ZNF532: variants seen among roughly 807,000 people sequenced by gnomAD.
ZNF532 encodes the protein zinc finger protein 532.
A neutral mutation model predicts 89.3 loss-of-function variants in ZNF532; 22 were observed. The observed-to-expected ratio is 0.25, with a 90% CI of 0.18 to 0.35. ZNF532 has a LOEUF of 0.35. ZNF532 is among the 10% of genes least tolerant of loss of function. The pLI is 1.00. For synonymous variants in ZNF532, 606 were observed against 649.6 expected (o/e 0.93, Z 1.02); for missense variants, 1,132 against 1,643.4 (o/e 0.69, Z 5.38).
At chr18:58,971,489 CA>C (rs1194213215) in intron 7 of ZNF532, among the ~76,000 whole-genome samples, 5 of 152,192 alleles carry the variant, frequency 3.3e-5, no homozygotes, top group Non-Finnish European at 7.3e-5. Context: ...CACGCCCATT[CA>C]TTTAATTATT....
chr18:58,960,085 C>T lies in ZNF532; in HGVS notation c.3150+6286C>T, dbSNP rs1035770138. Among the ~76,000 whole-genome samples the T allele has an allele frequency of 5.3e-5, 8 of 152,146 alleles. No homozygotes were observed. The East Asian group carries it at 5.8e-4, about 11-fold the overall frequency. On this transcript the variant is annotated intron_variant, in intron 7 of 9. Coordinates refer to ENST00000591808, the MANE Select transcript of ZNF532 (RefSeq NM_001375912.1). ...TCCTAAGTAGCTGGGATTACAGGTG[C>T]GTGCCACCACGCCCAGCTAATTTTT... is the stretch of plus-strand genomic sequence containing the variant.
intron 2 of ZNF532, among the ~76,000 whole-genome samples, chr18:58,883,594 G>A (rs530561347): frequency 6.6e-6 from 1 of 152,166 alleles, no homozygotes; most frequent in Non-Finnish European, 1.5e-5. Flanking sequence ...TTAAGTATTG[G>A]TGGGAGGAGG....
intron 2 of ZNF532, among the ~76,000 whole-genome samples, chr18:58,874,672 C>T (rs1027542525): frequency 6.6e-6 from 1 of 152,178 alleles, no homozygotes; most frequent in Non-Finnish European, 1.5e-5. Context: ...AGTACTTGAA[C>T]ATTTTTTTGC....
At chr18:58,891,356 C>T (rs2058889222) in intron 2 of ZNF532, among the ~76,000 whole-genome samples, 1 of 152,136 alleles carries the variant, frequency 6.6e-6, no homozygotes, top group Non-Finnish European at 1.5e-5. Context: ...ATGGCGAAAC[C>T]CTATCTCTAC....
intron 4 of ZNF532, among the ~76,000 whole-genome samples, chr18:58,935,883 A>G (rs1182421990): frequency 6.6e-6 from 1 of 152,188 alleles, no homozygotes; most frequent in Non-Finnish European, 1.5e-5. Flanking sequence ...TTGAATAAAA[A>G]TGAAGTCCAG....
Position 58,978,466 on chromosome 18 carries a change from A to G in ZNF532, c.3151-589A>G, listed in dbSNP as rs73439999. Among the ~76,000 whole-genome samples the G allele has an allele frequency of 5.6e-3, 855 of 152,292 alleles. 6 individuals are homozygous for G. Among genetic ancestry groups the G allele is most frequent in the African/African-American group, 0.02 (830 of 41,582 alleles). ...GTTTCATATATTATCTTTTCAGTAA[A>G]AGATTTATATAATGTTATTTCAAAT... On this transcript the variant is annotated intron_variant, in intron 7 of 9. Transcript: ENST00000591808.
chr18:58,942,361 T>TCCCTCCCTCCCTC (rs1568383594), intron 5 of ZNF532, among the ~76,000 whole-genome samples: 1 of 55,810 alleles, frequency 1.8e-5, no homozygotes, highest in African/African-American at 1.2e-4. Flanking sequence ...CTTCCTTCCT[T>TCCCTCCCTCCCTC]CCTTCCTTCC....
chr18:58,984,912 C>T lies in ZNF532; in HGVS notation c.*446C>T, dbSNP rs1385085043. The T allele has an allele frequency of 6.2e-6, 1 of 161,240 alleles. No individual in the cohort carries two copies. Among genetic ancestry groups the T allele is most frequent in the East Asian group, 1.8e-4 (1 of 5,666 alleles). The allele number at this position is 161,240 out of a possible 1,614,324, so 10.0% of individuals were successfully genotyped here. On this transcript the variant is annotated 3_prime_UTR_variant, in exon 10 of 10. Transcript: ENST00000591808. ...TAGTGTTTTTAATTTTTAGAATTCA[C>T]TACATAAATTGTAAGTAATTGTGGG...
At chr18:58,980,502 G>A (rs1461914184) in intron 8 of ZNF532, 1 of 152,184 alleles carries the variant, frequency 6.6e-6, no homozygotes, top group Non-Finnish European at 1.5e-5. Context: ...GAGGTCATCA[G>A]GGTTTAGGGC....
chr18:58,904,838 C>CTTTT (rs532227361), intron 2 of ZNF532, among the ~76,000 whole-genome samples: 1 of 135,186 alleles, frequency 7.4e-6, no homozygotes, highest in Admixed American at 7.4e-5. Context: ...CTATTTCTTT[C>CTTTT]TTTTTTTTTT....
intron 2 of ZNF532, among the ~76,000 whole-genome samples, chr18:58,872,346 T>C (rs1054630839): frequency 4.6e-5 from 7 of 152,158 alleles, no homozygotes; most frequent in African/African-American, 1.7e-4. Context: ...GCCTTTGCAT[T>C]TTGGGACACA....
intron 5 of ZNF532, among the ~76,000 whole-genome samples, chr18:58,946,984 G>T (rs931367901): frequency 9.2e-5 from 14 of 152,080 alleles, no homozygotes; most frequent in Admixed American, 9.2e-4. Context: ...GAGGCATTCC[G>T]TTCTTCAACT....
At chr18:58,982,431 G>T (rs1201800542) in intron 9 of ZNF532, among the ~76,000 whole-genome samples, 1 of 152,094 alleles carries the variant, frequency 6.6e-6, no homozygotes, top group Non-Finnish European at 1.5e-5. Flanking sequence ...GACCAGCCTG[G>T]CCAACGTGGT....
At chr18:58,924,346 A>T (rs1244161510) in intron 3 of ZNF532, among the ~76,000 whole-genome samples, 1 of 152,250 alleles carries the variant, frequency 6.6e-6, no homozygotes, top group Non-Finnish European at 1.5e-5. Context: ...GCTCTGGGGC[A>T]GGATGCCCTG....
chr18:58,924,019 G>A (rs958549679), intron 3 of ZNF532, among the ~76,000 whole-genome samples: 1 of 152,160 alleles, frequency 6.6e-6, no homozygotes, highest in Non-Finnish European at 1.5e-5. Flanking sequence ...ACCGCATCCA[G>A]CTAATTTTTG....
intron 7 of ZNF532, among the ~76,000 whole-genome samples, chr18:58,955,357 A>G (rs2064661985): frequency 6.6e-6 from 1 of 152,248 alleles, no homozygotes. Context: ...CTCATTTGTA[A>G]TCCTAATACT....
chr18:58,941,466 C>CT (rs2063015079), intron 5 of ZNF532, among the ~76,000 whole-genome samples: 1 of 118,840 alleles, frequency 8.4e-6, no homozygotes, highest in African/African-American at 3.2e-5. Flanking sequence ...TTCTCTCTCT[C>CT]TCTTTTTTTT....
chr18:58,927,309 A>G (rs1424477991), intron 3 of ZNF532, among the ~76,000 whole-genome samples: 1 of 152,002 alleles, frequency 6.6e-6, no homozygotes, highest in South Asian at 2.1e-4. Context: ...CTGCACCTCT[A>G]CTTTGCACAG....
intron 2 of ZNF532, among the ~76,000 whole-genome samples, chr18:58,896,947 G>A (rs542889814): frequency 2.7e-4 from 41 of 152,336 alleles, no homozygotes; most frequent in African/African-American, 9.4e-4. Context: ...GCAGCCCAGC[G>A]AGGTAGAGGC....
Sources: gnomAD v4.1 joint callset for allele counts (sites outside exome capture counted in the v4.1 genomes callset) on GRCh38, gnomAD v4.1.1 for gene constraint, MANE v1.5 for transcripts, NCBI Gene and HGNC (gene_info 2026-07-23, HGNC 2026-07-21) for gene names.